PLA2G10: variants seen among roughly 807,000 people sequenced by gnomAD.
PLA2G10 encodes the protein group 10 secretory phospholipase A2.
In PLA2G10, 9 loss-of-function variants were observed where a neutral mutation model predicts 7.9. The ratio of observed to expected loss-of-function variants is 1.14; its 90% confidence interval spans 0.68 to 1.98. PLA2G10 has a LOEUF of 1.98. Among genes scored for constraint, PLA2G10 ranks in the 30% most tolerant of loss-of-function variants. The pLI is 0.00. For missense variants in PLA2G10, 53 were observed against 65.4 expected, an observed-to-expected ratio of 0.81 and a Z score of 0.66; for synonymous variants, 19 against 27.5, an observed-to-expected ratio of 0.69 and a Z score of 0.97.
intron 3 of PLA2G10, among the ~76,000 whole-genome samples, chr16:14,675,587 A>G (rs1960704209): frequency 6.6e-6 from 1 of 152,168 alleles, no homozygotes; most frequent in African/African-American, 2.4e-5. Flanking sequence ...ACAAAGGACT[A>G]ATATCCTGAA....
At chr16:14,686,879 G>A (rs1355818158) in intron 3 of PLA2G10, among the ~76,000 whole-genome samples, 1 of 152,122 alleles carries the variant, frequency 6.6e-6, no homozygotes, top group East Asian at 1.9e-4. Flanking sequence ...GCTGAGGCGG[G>A]TGGATCACTT....
intron 3 of PLA2G10, among the ~76,000 whole-genome samples, chr16:14,677,998 A>C (rs1052419726): frequency 2.0e-5 from 3 of 152,182 alleles, no homozygotes; most frequent in Admixed American, 6.6e-5. Context: ...ATGGATAAAC[A>C]TAATATGTGC....
At chr16:14,685,915 C>A (rs573893237) in intron 3 of PLA2G10, among the ~76,000 whole-genome samples, 1 of 151,250 alleles carries the variant, frequency 6.6e-6, no homozygotes, top group Non-Finnish European at 1.5e-5. Context: ...CCTCGTGATC[C>A]GCCCACCTCA....
intron 3 of PLA2G10, among the ~76,000 whole-genome samples, chr16:14,676,842 A>G (rs1328401099): frequency 6.6e-6 from 1 of 152,226 alleles, no homozygotes; most frequent in African/African-American, 2.4e-5. Context: ...AAGTTACGTC[A>G]CTTATTCTAA....
intron 3 of PLA2G10, among the ~76,000 whole-genome samples, chr16:14,685,727 C>A (rs777935851): frequency 6.6e-6 from 1 of 152,062 alleles, no homozygotes; most frequent in Non-Finnish European, 1.5e-5. Flanking sequence ...CAGAGTCCCA[C>A]GCTGTCGCCC....
intron 3 of PLA2G10, among the ~76,000 whole-genome samples, chr16:14,674,849 C>T (rs762440592): frequency 9.9e-5 from 15 of 151,976 alleles, no homozygotes; most frequent in Admixed American, 5.3e-4. Flanking sequence ...AGAAATAAAG[C>T]TAAACACGTA....
intron 3 of PLA2G10, among the ~76,000 whole-genome samples, chr16:14,685,974 C>T: frequency 7.1e-6 from 1 of 141,210 alleles, no homozygotes; most frequent in African/African-American, 2.6e-5. Context: ...CGCCCAGCCT[C>T]TTTTTTTCTT....
intron 3 of PLA2G10, among the ~76,000 whole-genome samples, chr16:14,673,963 T>A (rs779097892): frequency 6.6e-6 from 1 of 152,128 alleles, no homozygotes; most frequent in Admixed American, 6.6e-5. Flanking sequence ...CTGCCAATGA[T>A]ACAATCATAT....
At chr16:14,673,795 A>G (rs532093764) in intron 3 of PLA2G10, among the ~76,000 whole-genome samples, 4 of 152,350 alleles carry the variant, frequency 2.6e-5, no homozygotes, top group Admixed American at 2.6e-4. Flanking sequence ...AATGGGGATG[A>G]GTTGAAAGCA....
At chr16:14,687,022 C>T (rs1597017621) in intron 3 of PLA2G10, among the ~76,000 whole-genome samples, 1 of 151,836 alleles carries the variant, frequency 6.6e-6, no homozygotes, top group East Asian at 2.0e-4. Context: ...GCAGGAGAAT[C>T]ACTTGAACCC....
At chr16:14,680,101 CTT>C (rs34700124) in intron 3 of PLA2G10, among the ~76,000 whole-genome samples, 23 of 139,536 alleles carry the variant, frequency 1.6e-4, no homozygotes, top group Non-Finnish European at 1.2e-4. Context: ...TTTTGCTTTT[CTT>C]TTTTTTTTTT....
At chr16:14,678,453 G>A (rs1211013875) in intron 3 of PLA2G10, among the ~76,000 whole-genome samples, 1 of 152,104 alleles carries the variant, frequency 6.6e-6, no homozygotes, top group Non-Finnish European at 1.5e-5. Context: ...GTACCATATG[G>A]CAACCAGAGT....
At chr16:14,682,174 G>C (rs1353416914) in intron 3 of PLA2G10, among the ~76,000 whole-genome samples, 1 of 152,098 alleles carries the variant, frequency 6.6e-6, no homozygotes. Flanking sequence ...TGAGATGATA[G>C]ATACCTGGGG....
At position 14,681,579 on chromosome 16, in the gene PLA2G10, A is replaced by C. The variant is rs898958678; in HGVS notation, c.355+6586T>G. Among the ~76,000 whole-genome samples the C allele has an allele frequency of 3.3e-5, 5 of 152,106 alleles. No homozygotes were observed. The East Asian group carries it at 5.8e-4, about 18-fold the overall frequency. On this transcript the variant is annotated intron_variant, in intron 3 of 3. Transcript: ENST00000438167. Reference sequence around the variant, plus strand: ...GCTCCCGAGGCTTAAGTTTAAAATTAAGGCCTGCTAGTAAATATTATTATA... The same window carrying C: ...GCTCCCGAGGCTTAAGTTTAAAATTCAGGCCTGCTAGTAAATATTATTATA...
rs572222254 is a variant in PLA2G10, at chr16:14,686,823, C to T, written c.355+1342G>A. 1.6e-4 allele frequency among the ~76,000 whole-genome samples: 24 copies of T among 152,154 alleles called. 1 individual carries two copies. The highest frequency in any genetic ancestry group is 4.6e-4 in the African/African-American group (19 of 41,552). ...AATGGAATCTTAAAAATAAATACCA[C>T]GGCCAGATGCAGTGGCTCACACCTG... On this transcript the variant is annotated intron_variant, in intron 3 of 3. Transcript: ENST00000438167.
intron 3 of PLA2G10, among the ~76,000 whole-genome samples, chr16:14,686,892 G>C (rs1422854371): frequency 6.6e-6 from 1 of 152,010 alleles, no homozygotes; most frequent in African/African-American, 2.4e-5. Flanking sequence ...GATCACTTGA[G>C]GTCAGGAGTA....
chr16:14,684,969 C>A (rs1321393039), intron 3 of PLA2G10, among the ~76,000 whole-genome samples: 1 of 152,156 alleles, frequency 6.6e-6, no homozygotes, highest in Non-Finnish European at 1.5e-5. Context: ...AAGGTGGAAA[C>A]AACCCAAATG....
intron 3 of PLA2G10, among the ~76,000 whole-genome samples, chr16:14,676,146 C>A (rs1047777115): frequency 6.6e-6 from 1 of 152,088 alleles, no homozygotes; most frequent in African/African-American, 2.4e-5. Context: ...AAAAAGAATG[C>A]TTTTAGACTG....
intron 3 of PLA2G10, among the ~76,000 whole-genome samples, chr16:14,673,754 A>C (rs1960652432): frequency 6.6e-6 from 1 of 152,176 alleles, no homozygotes; most frequent in African/African-American, 2.4e-5. Flanking sequence ...TAAAAGTGAT[A>C]GATGACAAAC....
Sources: allele counts gnomAD v4.1 joint callset (sites outside exome capture counted in the v4.1 genomes callset), GRCh38; gene constraint gnomAD v4.1.1; transcripts MANE v1.5; gene names NCBI Gene and HGNC (gene_info 2026-07-23, HGNC 2026-07-21).